CPEB3: variants seen among roughly 807,000 people sequenced by gnomAD.
The protein encoded by CPEB3 is cytoplasmic polyadenylation element binding protein 3, also known as cytoplasmic polyadenylation element-binding protein 3.
Under a neutral mutation model 67.2 loss-of-function variants are expected in CPEB3, and 20 were observed. The observed-to-expected ratio is 0.30, with a 90% CI of 0.21 to 0.43. CPEB3 has a LOEUF of 0.43. Among genes scored for constraint, CPEB3 ranks in the 20% least tolerant of loss-of-function variants. The pLI, the probability that CPEB3 is intolerant of heterozygous loss-of-function variation, is 1.00. For synonymous variants in CPEB3, 376 were observed against 393.1 expected (o/e 0.96, Z 0.51); for missense variants, 746 against 968.6 (o/e 0.77, Z 3.05).
Position 92,051,142 on chromosome 10 carries a change from AT to A in CPEB3, c.*1069del. ...CGGTTGTAATATAGGTCATTCTGTT[AT>A]GGGCTCTTCCCATTCAGAGCATTCC... is the stretch of plus-strand genomic sequence containing the variant. On this transcript the variant is annotated 3_prime_UTR_variant, in exon 10 of 10. Transcript: ENST00000265997. 6.6e-6 allele frequency: 1 copy of A among 152,658 alleles called. No individual in the cohort carries two copies. Among genetic ancestry groups the A allele is most frequent in the East Asian group, 1.9e-4 (1 of 5,190 alleles). 9.5% of individuals were successfully genotyped at this position (152,658 alleles called of 1,614,324 possible).
In CPEB3 at chr10:92,239,197, C is replaced by T. The variant is rs1851686011; in HGVS notation, c.1005+149G>A. 3.8e-6 allele frequency: 3 copies of T among 791,538 alleles called. No individual in the cohort carries two copies. The highest frequency in any genetic ancestry group is 6.0e-6 in the Non-Finnish European group (3 of 501,104). The allele number at this position is 791,538 out of a possible 1,614,324, so 49.0% of individuals were successfully genotyped here. On this transcript the variant is annotated intron_variant, in intron 2 of 9. Transcript: ENST00000265997. This position sits in a 1 kb window ranked among gnomAD's most constrained non-coding sequence, Gnocchi z 6.0. ...ACCTCATCCTCTGATAATGGAACAGCCCTAAAGAACTGGAGGCTTCGGAAG... is the reference window on the plus strand; with the variant it reads ...ACCTCATCCTCTGATAATGGAACAGTCCTAAAGAACTGGAGGCTTCGGAAG...
At chr10:92,253,740 T>C (rs1270569322) in intron 1 of CPEB3, among the ~76,000 whole-genome samples, 3 of 151,742 alleles carry the variant, frequency 2.0e-5, no homozygotes, top group Admixed American at 6.6e-5. Flanking sequence ...AGACTCTGCC[T>C]CAAAAAAATT....
chr10:92,097,670 T>A (rs1281502396), intron 7 of CPEB3, among the ~76,000 whole-genome samples: 1 of 152,164 alleles, frequency 6.6e-6, no homozygotes, highest in Non-Finnish European at 1.5e-5. Flanking sequence ...AACTTAACAT[T>A]AATAATATCA....
At chr10:92,220,305 C>A (rs534605445) in intron 2 of CPEB3, among the ~76,000 whole-genome samples, 28 of 152,236 alleles carry the variant, frequency 1.8e-4, no homozygotes, top group South Asian at 6.2e-4. Context: ...TTTGTTCTGT[C>A]TAAAATTAAC....
intron 1 of CPEB3, among the ~76,000 whole-genome samples, chr10:92,246,723 G>A (rs910226644): frequency 2.6e-5 from 4 of 151,896 alleles, no homozygotes; most frequent in Non-Finnish European, 5.9e-5. Flanking sequence ...TCAGCCAGGA[G>A]TGTCTTGATC....
At chr10:92,178,851 C>A (rs924994807) in intron 4 of CPEB3, among the ~76,000 whole-genome samples, 1 of 151,990 alleles carries the variant, frequency 6.6e-6, no homozygotes, top group Non-Finnish European at 1.5e-5. Context: ...CCCACAAGTA[C>A]CTACTATGGA....
chr10:92,108,480 C>T (rs1844576184), intron 7 of CPEB3, among the ~76,000 whole-genome samples: 1 of 152,050 alleles, frequency 6.6e-6, no homozygotes, highest in Non-Finnish European at 1.5e-5. Flanking sequence ...GAGCTAAAAC[C>T]AAGTAAGAGA....
rs561063551 is a variant in CPEB3 at position 92,226,822 on chromosome 10, C to T, written c.1005+12524G>A. Among the ~76,000 whole-genome samples the T allele has an allele frequency of 4.7e-5, 7 of 148,824 alleles. No individual in the cohort carries two copies. The East Asian group carries it at 1.4e-3, about 30-fold the overall frequency. On this transcript the variant is annotated intron_variant, in intron 2 of 9. Coordinates refer to ENST00000265997, the MANE Select transcript of CPEB3 (RefSeq NM_014912.5). ...TCAGGGAGGAGACCTGCAGGAGGGG[C>T]CAGGAGCTGGGAGAAGGGGCCTGTG...
chr10:92,175,865 G>A (rs1294336062), intron 4 of CPEB3, among the ~76,000 whole-genome samples: 1 of 152,034 alleles, frequency 6.6e-6, no homozygotes, highest in Non-Finnish European at 1.5e-5. Flanking sequence ...CATGGCAGAC[G>A]GATTGCCTGA....
chr10:92,215,463 G>A (rs1365622050), intron 2 of CPEB3, among the ~76,000 whole-genome samples: 1 of 136,856 alleles, frequency 7.3e-6, no homozygotes, highest in Non-Finnish European at 1.5e-5. Context: ...TTTTTTTTTA[G>A]ACGGAGTCTC....
intron 2 of CPEB3, among the ~76,000 whole-genome samples, chr10:92,212,295 G>A (rs1850136291): frequency 7.0e-6 from 1 of 143,390 alleles, no homozygotes; most frequent in South Asian, 2.2e-4. Context: ...TGTACAACAA[G>A]ACAGTTGTAC....
At chr10:92,138,752 A>T (rs939325249) in intron 6 of CPEB3, among the ~76,000 whole-genome samples, 26 of 152,320 alleles carry the variant, frequency 1.7e-4, no homozygotes, top group South Asian at 4.2e-4. Context: ...GTTGGTGAGA[A>T]TATAAATTAG....
chr10:92,231,702 G>A (rs763637000), intron 2 of CPEB3, among the ~76,000 whole-genome samples: 6 of 151,980 alleles, frequency 3.9e-5, no homozygotes, highest in African/African-American at 7.2e-5. Context: ...AACCCACACA[G>A]CTTAATCAAC....
intron 7 of CPEB3, among the ~76,000 whole-genome samples, chr10:92,110,564 C>T (rs1281595359): frequency 1.3e-5 from 2 of 152,218 alleles, no homozygotes; most frequent in African/African-American, 2.4e-5. Flanking sequence ...TTTAGCTCCA[C>T]GTTCTCTGCC....
At chr10:92,122,100 G>GA (rs1267280978) in intron 6 of CPEB3, among the ~76,000 whole-genome samples, 5 of 152,050 alleles carry the variant, frequency 3.3e-5, no homozygotes, top group East Asian at 1.9e-4. Context: ...CCCTGATCCA[G>GA]AAAAAATCAG....
At chr10:92,230,240 GT>G (rs1851205593) in intron 2 of CPEB3, among the ~76,000 whole-genome samples, 1 of 152,158 alleles carries the variant, frequency 6.6e-6, no homozygotes, top group South Asian at 2.1e-4. Context: ...GTTGCACTGA[GT>G]TACTGCAGAC....
intron 2 of CPEB3, among the ~76,000 whole-genome samples, chr10:92,237,588 G>A (rs1015811792): frequency 6.6e-6 from 1 of 152,102 alleles, no homozygotes; most frequent in African/African-American, 2.4e-5. Context: ...TCAACTCCCA[G>A]AAAAAGATAA....
intron 7 of CPEB3, among the ~76,000 whole-genome samples, chr10:92,105,531 C>A (rs1844401387): frequency 6.6e-6 from 1 of 152,124 alleles, no homozygotes; most frequent in South Asian, 2.1e-4. Context: ...ATCCTTCAAG[C>A]CTAATTCAAA....
At chr10:92,096,744 C>G (rs547533605) in intron 7 of CPEB3, among the ~76,000 whole-genome samples, 3 of 152,170 alleles carry the variant, frequency 2.0e-5, no homozygotes, top group African/African-American at 7.2e-5. Flanking sequence ...AGGAGTTCGA[C>G]ACCAGCTTGG....
Sources: gnomAD v4.1 joint callset for allele counts (sites outside exome capture counted in the v4.1 genomes callset) on GRCh38, gnomAD v4.1.1 for gene constraint, Gnocchi (gnomAD v3.1) non-coding constraint, MANE v1.5 for transcripts, NCBI Gene and HGNC (gene_info 2026-07-23, HGNC 2026-07-21) for gene names.